The following PALM variants were observed in gnomAD, a reference collection of about 807,000 sequenced individuals.
PALM encodes the protein paralemmin.
PALM carries 18 observed loss-of-function variants against 30.7 expected under a neutral mutation model. That is an observed-to-expected ratio of 0.59 (90% CI 0.41 to 0.87). The LOEUF is 0.87. Among genes scored for constraint, PALM ranks in the 40% least tolerant of loss-of-function variants. The probability of loss-of-function intolerance (pLI) is 0.00; values close to 1 mark genes in which losing one functional copy is unlikely to be tolerated. For synonymous variants in PALM, 286 were observed against 242.8 expected (o/e 1.18, Z -1.66); for missense variants, 529 against 555.4 (o/e 0.95, Z 0.48).
intron 1 of PALM, among the ~76,000 whole-genome samples, chr19:715,619 G>T (rs1252749329): frequency 6.6e-6 from 1 of 152,196 alleles, no homozygotes; most frequent in East Asian, 1.9e-4. Flanking sequence ...GTTTGTTCCT[G>T]CTAGGCCTTG....
Position 746,419 on chromosome 19 carries a change from C to CG in PALM, c.775dup (p.Ala259GlyfsTer53), listed in dbSNP as rs755308979. On this transcript the variant is annotated frameshift_variant, in exon 9 of 9. Transcript: ENST00000338448. LOFTEE classifies it low-confidence loss of function (END_TRUNC). This position sits in a 1 kb window ranked among gnomAD's most constrained non-coding sequence, Gnocchi z 7.1. ...GTCCACGGCCGGGGCGGCAGAGACC[C>CG]GGGGGGCTGTGGAGGGGGCAGCCCG... The CG allele has an allele frequency of 6.2e-7, 1 of 1,611,176 alleles. No homozygotes were observed. The highest frequency in any genetic ancestry group is 8.5e-7 in the Non-Finnish European group (1 of 1,178,980).
intron 1 of PALM, among the ~76,000 whole-genome samples, chr19:710,533 CGGA>C (rs2032039972): frequency 6.6e-6 from 1 of 152,280 alleles, no homozygotes; most frequent in South Asian, 2.1e-4. Context: ...AGGAGGACGA[CGGA>C]GATCTCCCTC....
chr19:743,091 G>GGGTCTCCCTGT (rs1286441513), intron 8 of PALM, among the ~76,000 whole-genome samples: 1 of 152,178 alleles, frequency 6.6e-6, no homozygotes, highest in Admixed American at 6.6e-5. Flanking sequence ...GCGTGACGTG[G>GGGTCTCCCTGT]GGTCTCCCTG....
At chr19:741,124 G>A (rs375107420) in intron 8 of PALM, among the ~76,000 whole-genome samples, 72 of 152,248 alleles carry the variant, frequency 4.7e-4, no homozygotes, top group African/African-American at 1.7e-3. Flanking sequence ...GGGCAACAGA[G>A]TGAGACCCTG....
chr19:711,478 A>G (rs1348163658), intron 1 of PALM, among the ~76,000 whole-genome samples: 2 of 152,206 alleles, frequency 1.3e-5, no homozygotes, highest in Non-Finnish European at 2.9e-5. Context: ...AATTTTCAAT[A>G]GGAAAGTCTC....
intron 8 of PALM, among the ~76,000 whole-genome samples, chr19:743,352 T>C (rs972635222): frequency 1.4e-5 from 2 of 143,712 alleles, no homozygotes; most frequent in African/African-American, 6.0e-5. Flanking sequence ...ATTCCAGACC[T>C]GCCAGGCTGG....
Position 731,137 on chromosome 19 carries a change from C to T in PALM, c.312C>T (p.Ala104=). Residue 104 remains alanine (A), a synonymous_variant, in exon 5 of 9, where the codon GCC becomes GCT. Transcript: ENST00000338448. ...EIEVLERGDS[A]PATAKENAAA... ...AGGTGCTGGAGCGTGGAGACTCCGC[C>T]CCAGCCACTGCCAAGGAGAACGCGG... The T allele has an allele frequency of 1.2e-6, 2 of 1,606,414 alleles. No homozygotes were observed. The highest frequency in any genetic ancestry group is 8.5e-7 in the Non-Finnish European group (1 of 1,177,012).
intron 1 of PALM, among the ~76,000 whole-genome samples, chr19:716,495 G>A (rs564698077): frequency 5.3e-5 from 8 of 152,312 alleles, no homozygotes; most frequent in Admixed American, 1.3e-4. Flanking sequence ...CAGACTGGTG[G>A]TGGGACAGGG....
rs1035058041 is a variant in PALM, at chr19:747,287, C to G, written c.*473C>G. 3 of 160,738 alleles carry G rather than the reference C, an allele frequency of 1.9e-5. No individual in the cohort carries two copies. The highest frequency in any genetic ancestry group is 4.0e-5 in the Non-Finnish European group (3 of 74,276). The allele number at this position is 160,738 out of a possible 1,614,324, so 10.0% of individuals were successfully genotyped here. Reference sequence around the variant, plus strand: ...GCCTGCTCAGGCCCTGGAAGTGAGGCTCTATGGGGTTCCCTGGCCAAGGCG... The same window carrying G: ...GCCTGCTCAGGCCCTGGAAGTGAGGGTCTATGGGGTTCCCTGGCCAAGGCG... On this transcript the variant is annotated 3_prime_UTR_variant, in exon 9 of 9. Transcript: ENST00000338448.
chr19:712,626 A>G (rs970198160), intron 1 of PALM, among the ~76,000 whole-genome samples: 1 of 150,230 alleles, frequency 6.7e-6, no homozygotes, highest in African/African-American at 2.5e-5. Context: ...CTTGTGATCC[A>G]CCTGCCTTGG....
In PALM at chr19:708,950, C is replaced by G. The variant is rs1202862310; in HGVS notation, c.-197C>G. The G allele has an allele frequency of 3.4e-5, 5 of 147,964 alleles. No individual in the cohort carries two copies. The highest frequency in any genetic ancestry group is 6.0e-5 in the Non-Finnish European group (4 of 66,608). 9.2% of individuals were successfully genotyped at this position (147,964 alleles called of 1,614,324 possible). A position where few individuals can be genotyped will look rare whatever the true frequency, so the allele number is the denominator to read the frequency against. On this transcript the variant is annotated 5_prime_UTR_variant, in exon 1 of 9. Coordinates refer to ENST00000338448, the MANE Select transcript of PALM (RefSeq NM_002579.3). ...CCCACCCCCCGCGCCCGCCGCCGCC[C>G]GGACAATAAACAGCAGCTTTGCGCG...
In PALM at chr19:746,574, G is replaced by A; in HGVS notation, c.924G>A (p.Val308=). 1.9e-6 allele frequency: 3 copies of A among 1,613,454 alleles called. No homozygotes were observed. Among genetic ancestry groups the A allele is most frequent in the Non-Finnish European group, 2.5e-6 (3 of 1,179,902 alleles). ...TGATCTTCATGGGTTACCAGAACGT[G>A]GAGGATGAGGCCGAGACCAAGAAGG... The part of the protein sequence containing the change: ...VTMIFMGYQN[V]EDEAETKKVL... The change falls in exon 9 of 9, where the codon GTG becomes GTA. Residue 308 remains valine (V), a synonymous_variant. Transcript: ENST00000338448. This position sits in a 1 kb window ranked among gnomAD's most constrained non-coding sequence, Gnocchi z 7.1.
chr19:746,516 G>T lies in PALM; in HGVS notation c.866G>T (p.Gly289Val). 1 of 1,612,862 alleles carries T rather than the reference G, an allele frequency of 6.2e-7. No homozygotes were observed. The highest frequency in any genetic ancestry group is 8.5e-7 in the Non-Finnish European group (1 of 1,179,834). Residue 289 changes from glycine (G) to valine (V), a missense_variant, in exon 9 of 9, where the codon GGG becomes GTG. Gly to Val is a moderately radical substitution (Grantham distance 109). Coordinates refer to ENST00000338448, the MANE Select transcript of PALM (RefSeq NM_002579.3). The surrounding 1 kb of genome is among the most constrained non-coding windows in gnomAD (Gnocchi z 7.1). ...QPGEATSGPP[G>V]IQPGQEPPVT... is the part of the protein sequence containing the mutation. ...GGCGAGGCCACGTCCGGCCCGCCGG[G>T]GATCCAGCCCGGCCAGGAGCCCCCG... is the stretch of plus-strand genomic sequence containing the variant.
Position 746,015 on chromosome 19 carries a change from G to A in PALM, c.635-270G>A, listed in dbSNP as rs1289880574. Among the ~76,000 whole-genome samples, 6 of 151,818 alleles carry A rather than the reference G, an allele frequency of 4.0e-5. No individual in the cohort carries two copies. In the East Asian group the frequency reaches 1.2e-3, roughly 29 times the overall value. ...GGAGCTTGCAGTGAGCTGAGATCAC[G>A]CCATTGCACTCCAGCCTGGGCGACA... On this transcript the variant is annotated intron_variant, in intron 8 of 8. Transcript: ENST00000338448. The surrounding 1 kb of genome is among the most constrained non-coding windows in gnomAD (Gnocchi z 7.1).
chr19:737,021 C>T (rs996998565), intron 7 of PALM, among the ~76,000 whole-genome samples: 2 of 152,238 alleles, frequency 1.3e-5, no homozygotes, highest in Non-Finnish European at 2.9e-5. Context: ...CCACTGCACT[C>T]CAGCCTGGGC....
At chr19:737,366 A>G (rs2033053816) in intron 7 of PALM, among the ~76,000 whole-genome samples, 1 of 152,202 alleles carries the variant, frequency 6.6e-6, no homozygotes, top group African/African-American at 2.4e-5. Context: ...TCTGGGGTGG[A>G]GGGCTGAGGC....
In PALM at chr19:727,602, G is replaced by A. The variant is rs780193375; in HGVS notation, c.177G>A (p.Thr59=). 4.4e-6 allele frequency: 7 copies of A among 1,582,502 alleles called. No homozygotes were observed. The highest frequency in any genetic ancestry group is 1.7e-4 in the Middle Eastern group (1 of 6,042). Residue 59 remains threonine (T), a synonymous_variant, in exon 4 of 9, where the codon ACG becomes ACA. Transcript: ENST00000338448. ...GGGAGCGCTGGCTGCTGGAGGGGACGCCGTCCTCGGCCTCAGAGGGGGATG... is the reference window on the plus strand; with the variant it reads ...GGGAGCGCTGGCTGCTGGAGGGGACACCGTCCTCGGCCTCAGAGGGGGATG... The part of the protein sequence containing the change: ...ALRERWLLEG[T]PSSASEGDED...
intron 1 of PALM, chr19:719,467 G>A: frequency 1.0e-5 from 10 of 985,294 alleles, no homozygotes; most frequent in Non-Finnish European, 1.2e-5. Context: ...TGCGCGCCGG[G>A]GTGGGCGTCG....
At chr19:743,841 G>T (rs2033259639) in intron 8 of PALM, among the ~76,000 whole-genome samples, 1 of 152,166 alleles carries the variant, frequency 6.6e-6, no homozygotes, top group African/African-American at 2.4e-5. Context: ...AATTTGGAAA[G>T]ACTTGAGAAA....
Sources: gnomAD v4.1 joint callset for allele counts (sites outside exome capture counted in the v4.1 genomes callset) on GRCh38, gnomAD v4.1.1 for gene constraint, Gnocchi (gnomAD v3.1) non-coding constraint, MANE v1.5 for transcripts, NCBI Gene and HGNC (gene_info 2026-07-23, HGNC 2026-07-21) for gene names.